UQCC1: variants seen among roughly 807,000 people sequenced by gnomAD.
UQCC1 encodes the protein bFGF-repressed Zic-binding protein.
A neutral mutation model predicts 48.0 loss-of-function variants in UQCC1; 38 were observed. The observed-to-expected ratio is 0.79, with a 90% CI of 0.61 to 1.04. UQCC1 has a LOEUF of 1.04. UQCC1 is among the 50% of genes least tolerant of loss of function. The pLI is 0.00. For missense variants in UQCC1, 368 were observed against 381.8 expected (o/e 0.96, Z 0.30); for synonymous variants, 111 against 129.2 (o/e 0.86, Z 0.95).
chr20:35,400,515 A>C (rs932752495), intron 1 of UQCC1, among the ~76,000 whole-genome samples: 3 of 137,390 alleles, frequency 2.2e-5, no homozygotes, highest in Admixed American at 7.3e-5. Context: ...TTTTTTTTTG[A>C]GACGGAGTCT....
At chr20:35,331,876 C>T (rs2061261123) in intron 7 of UQCC1, among the ~76,000 whole-genome samples, 1 of 152,196 alleles carries the variant, frequency 6.6e-6, no homozygotes, top group South Asian at 2.1e-4. Flanking sequence ...AATACAGCAT[C>T]CTGATAGCTC....
rs769243415 is a variant in UQCC1 at position 35,314,766 on chromosome 20, C to T, written c.574-1G>A. 8.8e-6 allele frequency: 14 copies of T among 1,585,352 alleles called. No homozygotes were observed. Among genetic ancestry groups the T allele is most frequent in the Non-Finnish European group, 1.1e-5 (13 of 1,159,312 alleles). On this transcript the variant is annotated splice_acceptor_variant, in intron 7 of 9. Transcript: ENST00000374385. LOFTEE classifies it high-confidence loss of function. ...TCTTCTTCAGGATATAGGGATTAAC[C>T]TACAGAAACAAATGGCAAAAACAAA...
At chr20:35,408,141 A>T (rs2146551592) in intron 1 of UQCC1, among the ~76,000 whole-genome samples, 1 of 152,296 alleles carries the variant, frequency 6.6e-6, no homozygotes, top group South Asian at 2.1e-4. Context: ...AAAAAACAGA[A>T]TATAAGGCCA....
At chr20:35,338,102 TAG>T (rs2061333442) in intron 7 of UQCC1, among the ~76,000 whole-genome samples, 1 of 152,128 alleles carries the variant, frequency 6.6e-6, no homozygotes, top group African/African-American at 2.4e-5. Context: ...TCAGATGATG[TAG>T]AGACACTCAG....
At chr20:35,388,518 T>C (rs1347694647) in intron 2 of UQCC1, among the ~76,000 whole-genome samples, 1 of 151,820 alleles carries the variant, frequency 6.6e-6, no homozygotes, top group Non-Finnish European at 1.5e-5. Flanking sequence ...CCTCAAACAA[T>C]CCTCCCACCT....
At chr20:35,388,377 AC>A (rs1195869975) in intron 2 of UQCC1, among the ~76,000 whole-genome samples, 4 of 130,914 alleles carry the variant, frequency 3.1e-5, no homozygotes, top group Non-Finnish European at 6.3e-5. Flanking sequence ...TGCAACTTTG[AC>A]CCCCCCAGAC....
rs1220125503 is a variant in UQCC1 at position 35,341,232 on chromosome 20, A to AG, written c.573+5931_573+5932insC. Reference sequence around the variant, plus strand: ...AGAGACTCCGTCAAAAAAAAAAAAAAAAAAAAGAAAGAAAGAAAGAAAGAA... The same window carrying AG: ...AGAGACTCCGTCAAAAAAAAAAAAAAGAAAAAAGAAAGAAAGAAAGAAAGAA... On this transcript the variant is annotated intron_variant, in intron 7 of 9. Transcript: ENST00000374385. Among the ~76,000 whole-genome samples, 523 of 150,590 alleles carry AG rather than the reference A, an allele frequency of 3.5e-3. 1 individual carries two copies. Among genetic ancestry groups the AG allele is most frequent in the African/African-American group, 0.012 (504 of 40,796 alleles).
chr20:35,321,300 A>G (rs951066826), intron 7 of UQCC1, among the ~76,000 whole-genome samples: 5 of 148,302 alleles, frequency 3.4e-5, no homozygotes, highest in African/African-American at 5.2e-5. Flanking sequence ...GCGCGCGCGC[A>G]CGCTCAGGCA....
intron 4 of UQCC1, among the ~76,000 whole-genome samples, chr20:35,380,146 T>A (rs2061848919): frequency 6.6e-6 from 1 of 152,192 alleles, no homozygotes; most frequent in Admixed American, 6.5e-5. Context: ...AATTTCTAAT[T>A]TTCAAACAAA....
intron 9 of UQCC1, among the ~76,000 whole-genome samples, chr20:35,305,192 G>A (rs1271937858): frequency 6.6e-6 from 1 of 152,220 alleles, no homozygotes; most frequent in Non-Finnish European, 1.5e-5. Context: ...TCGAGGGCAG[G>A]ACTGGGTCTT....
chr20:35,314,796 T>TGAAA (rs749226698), intron 7 of UQCC1, 31 bp from the exon 8 acceptor site: 9 of 1,561,978 alleles, frequency 5.8e-6, no homozygotes, highest in Admixed American at 5.1e-5. Flanking sequence ...AACAAAAGTT[T>TGAAA]GAAAGAAAGA....
chr20:35,370,495 T>G (rs954359223), intron 5 of UQCC1, among the ~76,000 whole-genome samples: 1 of 152,212 alleles, frequency 6.6e-6, no homozygotes, highest in African/African-American at 2.4e-5. Flanking sequence ...AGCCACAGTT[T>G]GGAAGCACTT....
intron 5 of UQCC1, among the ~76,000 whole-genome samples, chr20:35,372,821 A>T (rs2061750417): frequency 6.6e-6 from 1 of 152,222 alleles, no homozygotes; most frequent in Non-Finnish European, 1.5e-5. Context: ...GTGAGCCAAG[A>T]TGGCACCACT....
chr20:35,405,628 C>T (rs1387882582), intron 1 of UQCC1, among the ~76,000 whole-genome samples: 1 of 152,212 alleles, frequency 6.6e-6, no homozygotes, highest in East Asian at 1.9e-4. Context: ...TGGCTTACAC[C>T]TGTAATCCCA....
chr20:35,342,309 A>G (rs2061389727), intron 7 of UQCC1, among the ~76,000 whole-genome samples: 1 of 152,266 alleles, frequency 6.6e-6, no homozygotes, highest in African/African-American at 2.4e-5. Context: ...CTGGCAGGGC[A>G]GAACTGAGAG....
chr20:35,352,430 G>T (rs2146402103), intron 6 of UQCC1, among the ~76,000 whole-genome samples: 1 of 152,324 alleles, frequency 6.6e-6, no homozygotes, highest in East Asian at 1.9e-4. Flanking sequence ...GACCGGAGAT[G>T]AGTCTCTGAG....
At chr20:35,348,459 G>A (rs1445410957) in intron 6 of UQCC1, among the ~76,000 whole-genome samples, 3 of 151,498 alleles carry the variant, frequency 2.0e-5, no homozygotes, top group East Asian at 1.9e-4. Flanking sequence ...GCGCCATCTC[G>A]GCTCACTACA....
chr20:35,401,815 C>G lies in UQCC1; in HGVS notation c.25-7619G>C, dbSNP rs191062865. Among the ~76,000 whole-genome samples the G allele has an allele frequency of 7.0e-4, 106 of 152,038 alleles. No individual in the cohort carries two copies. In the East Asian group the frequency reaches 8.2e-3, roughly 12 times the overall value. On this transcript the variant is annotated intron_variant, in intron 1 of 9. Coordinates refer to ENST00000374385, the MANE Select transcript of UQCC1 (RefSeq NM_018244.5). ...CAGCTGGGATTACAGGTATGCGCCA[C>G]CACGCCCAGCTAATTTTGTATTTTT...
In UQCC1 at chr20:35,395,879, C is replaced by T. The variant is rs79956400; in HGVS notation, c.25-1683G>A. Among the ~76,000 whole-genome samples, 1,029 of 152,030 alleles carry T rather than the reference C, an allele frequency of 6.8e-3. 15 individuals are homozygous for T. Among genetic ancestry groups the T allele is most frequent in the African/African-American group, 0.024 (983 of 41,434 alleles). On this transcript the variant is annotated intron_variant, in intron 1 of 9. Coordinates refer to ENST00000374385, the MANE Select transcript of UQCC1 (RefSeq NM_018244.5). Reference sequence around the variant, plus strand: ...CTAAAATAATTCTGGTAATAGGTGACTCAAGCAGTGGGCACGGGCTCCCTC... The same window carrying T: ...CTAAAATAATTCTGGTAATAGGTGATTCAAGCAGTGGGCACGGGCTCCCTC...
Sources: gnomAD v4.1 joint callset for allele counts (sites outside exome capture counted in the v4.1 genomes callset) on GRCh38, gnomAD v4.1.1 for gene constraint, MANE v1.5 for transcripts, NCBI Gene and HGNC (gene_info 2026-07-23, HGNC 2026-07-21) for gene names.